The following UVRAG variants were observed in gnomAD, a reference collection of about 807,000 sequenced individuals.
UVRAG encodes the protein UV radiation resistance-associated gene protein.
UVRAG carries 19 observed loss-of-function variants against 78.0 expected under a neutral mutation model. The observed-to-expected ratio is 0.24, with a 90% confidence interval of 0.17 to 0.36. The LOEUF is 0.36. Ranked by LOEUF, UVRAG falls within the 10% of genes least tolerant of loss-of-function variation. The pLI is 1.00. For synonymous variants in UVRAG, 323 were observed against 324.6 expected (o/e 1.00, Z 0.05); for missense variants, 740 against 853.8 (o/e 0.87, Z 1.66).
intron 12 of UVRAG, among the ~76,000 whole-genome samples, chr11:76,018,705 C>T (rs1950191153): frequency 6.6e-6 from 1 of 152,192 alleles, no homozygotes; most frequent in Admixed American, 6.5e-5. Flanking sequence ...GATTTTATAG[C>T]ATTCTTTGCC....
intron 13 of UVRAG, among the ~76,000 whole-genome samples, chr11:76,082,564 G>C (rs773743880): frequency 1.5e-5 from 2 of 137,890 alleles, no homozygotes; most frequent in South Asian, 4.6e-4. Flanking sequence ...AAAAAACATA[G>C]GTAACAATTT....
At chr11:76,027,773 G>T (rs1446565647) in intron 12 of UVRAG, among the ~76,000 whole-genome samples, 1 of 152,100 alleles carries the variant, frequency 6.6e-6, no homozygotes, top group African/African-American at 2.4e-5. Context: ...CTAATAAAGG[G>T]CAAGGAATAT....
At chr11:76,104,435 A>G (rs1951935470) in intron 13 of UVRAG, among the ~76,000 whole-genome samples, 1 of 152,204 alleles carries the variant, frequency 6.6e-6, no homozygotes. Flanking sequence ...TTTAACCGTG[A>G]TAGTGTTGTA....
intron 12 of UVRAG, among the ~76,000 whole-genome samples, chr11:76,020,526 C>G (rs533177078): frequency 6.6e-6 from 1 of 152,040 alleles, no homozygotes; most frequent in African/African-American, 2.4e-5. Context: ...GATATGTCAT[C>G]TGGGAGCTAG....
chr11:75,963,727 C>T (rs900936151), intron 7 of UVRAG, among the ~76,000 whole-genome samples: 1 of 152,186 alleles, frequency 6.6e-6, no homozygotes, highest in Admixed American at 6.5e-5. Context: ...TTGGCATCTT[C>T]TCACATTACA....
In UVRAG at chr11:75,815,437, C is replaced by T. The variant is rs7118569; in HGVS notation, c.30C>T (p.Pro10=). Residue 10 remains proline (P), a synonymous_variant, in exon 1 of 15, where the codon CCC becomes CCT. Coordinates refer to ENST00000356136, the MANE Select transcript of UVRAG (RefSeq NM_003369.4). ...GCGCCTCCGCGTCGGTCGGGGGCCCCGTCCCCCAGCCACCCCCGGGCCCGG... is the reference window on the plus strand; with the variant it reads ...GCGCCTCCGCGTCGGTCGGGGGCCCTGTCCCCCAGCCACCCCCGGGCCCGG... MSASASVGG[P]VPQPPPGPAA... is the part of the protein sequence containing the mutation. 7.7e-4 allele frequency: 966 copies of T among 1,246,762 alleles called. 1 individual carries two copies. The highest frequency in any genetic ancestry group is 9.1e-4 in the Non-Finnish European group (903 of 994,882). The allele number at this position is 1,246,762 out of a possible 1,614,324, so 77.2% of individuals were successfully genotyped here.
chr11:75,857,382 G>A lies in UVRAG; in HGVS notation c.236-4364G>A, dbSNP rs552734472. On this transcript the variant is annotated intron_variant, in intron 2 of 14. Transcript: ENST00000356136. ...ATTGTAGCTGTTGCTTGAATGCATT[G>A]GTTTTAACTAACTTAAAGACCTCTG... Among the ~76,000 whole-genome samples, 20 of 152,200 alleles carry A rather than the reference G, an allele frequency of 1.3e-4. No individual in the cohort carries two copies. The South Asian group carries it at 4.1e-3, about 32-fold the overall frequency.
At chr11:76,056,548 G>A (rs1950988150) in intron 12 of UVRAG, among the ~76,000 whole-genome samples, 1 of 151,876 alleles carries the variant, frequency 6.6e-6, no homozygotes, top group African/African-American at 2.4e-5. Flanking sequence ...ATTTTTCCTT[G>A]CATTTTTTTC....
intron 1 of UVRAG, among the ~76,000 whole-genome samples, chr11:75,849,126 C>T (rs113127754): frequency 0.015 from 2,299 of 152,052 alleles, 69 homozygotes; most frequent in African/African-American, 0.053. Flanking sequence ...TGCAGTGAGC[C>T]GACATGGCGC....
chr11:76,077,021 A>G (rs1951416329), intron 13 of UVRAG, among the ~76,000 whole-genome samples: 1 of 150,558 alleles, frequency 6.6e-6, no homozygotes, highest in Non-Finnish European at 1.5e-5. Context: ...GTCTCAAAAA[A>G]AAAAAAAGAT....
At chr11:75,992,283 A>G (rs17134493) in intron 8 of UVRAG, among the ~76,000 whole-genome samples, 18,718 of 152,120 alleles carry the variant, frequency 0.12, 2,883 homozygotes, top group African/African-American at 0.36. Flanking sequence ...TTGAATCTCT[A>G]TTTTATCATG....
intron 1 of UVRAG, among the ~76,000 whole-genome samples, chr11:75,821,055 AT>A (rs1057256135): frequency 6.6e-6 from 1 of 152,232 alleles, no homozygotes; most frequent in African/African-American, 2.4e-5. Context: ...TGTTTACATC[AT>A]CCCAAACAGA....
intron 6 of UVRAG, among the ~76,000 whole-genome samples, chr11:75,918,319 A>G (rs1262022773): frequency 4.0e-5 from 6 of 151,200 alleles, no homozygotes; most frequent in Non-Finnish European, 7.4e-5. Flanking sequence ...CAGAGCTTGC[A>G]GTGAGCCGAG....
chr11:76,054,697 C>T (rs928067606), intron 12 of UVRAG, among the ~76,000 whole-genome samples: 3 of 152,210 alleles, frequency 2.0e-5, no homozygotes, highest in African/African-American at 4.8e-5. Flanking sequence ...TCTCTCACTT[C>T]CTTCAGGTTT....
chr11:75,919,531 C>T (rs1947929412), intron 6 of UVRAG, among the ~76,000 whole-genome samples: 1 of 152,216 alleles, frequency 6.6e-6, no homozygotes, highest in African/African-American at 2.4e-5. Flanking sequence ...ATATTAGCTA[C>T]TGTCCTACCT....
Position 76,140,146 on chromosome 11 carries a change from T to C in UVRAG, c.1398-565T>C, listed in dbSNP as rs183900420. 5.6e-3 allele frequency among the ~76,000 whole-genome samples: 480 copies of C among 85,878 alleles called. 8 individuals are homozygous for C. Among genetic ancestry groups the C allele is most frequent in the East Asian group, 0.042 (94 of 2,240 alleles). 56.3% of individuals were successfully genotyped at this position (85,878 alleles called of 152,430 possible). A position where few individuals can be genotyped will look rare whatever the true frequency, so the allele number is the denominator to read the frequency against. On this transcript the variant is annotated intron_variant, in intron 14 of 14. Transcript: ENST00000356136. Reference sequence around the variant, plus strand: ...CTCTCTCTCTCTCTCTCTCTCTCTCTCTCCCTCCCTCCTCTGCCAGTCCTC... The same window carrying C: ...CTCTCTCTCTCTCTCTCTCTCTCTCCCTCCCTCCCTCCTCTGCCAGTCCTC...
At chr11:75,857,149 G>A (rs1053321196) in intron 2 of UVRAG, among the ~76,000 whole-genome samples, 1 of 152,196 alleles carries the variant, frequency 6.6e-6, no homozygotes, top group Non-Finnish European at 1.5e-5. Context: ...AACTCCGTCA[G>A]TCTGTTCTCA....
intron 3 of UVRAG, among the ~76,000 whole-genome samples, chr11:75,866,905 T>A (rs1946551863): frequency 6.6e-6 from 1 of 152,242 alleles, no homozygotes. Flanking sequence ...AATAGTCTTA[T>A]GAGTTGTGAT....
intron 8 of UVRAG, among the ~76,000 whole-genome samples, chr11:75,984,199 C>T (rs1445015932): frequency 6.6e-6 from 1 of 152,286 alleles, no homozygotes; most frequent in East Asian, 1.9e-4. Flanking sequence ...TAGGCAGTGA[C>T]AGTGAGCTGC....
Sources: gnomAD v4.1 joint callset for allele counts (sites outside exome capture counted in the v4.1 genomes callset) on GRCh38, gnomAD v4.1.1 for gene constraint, MANE v1.5 for transcripts, NCBI Gene and HGNC (gene_info 2026-07-23, HGNC 2026-07-21) for gene names.